The following CFAP73 variants were observed in gnomAD, a reference collection of about 807,000 sequenced individuals.
The protein encoded by CFAP73 is cilia and flagella associated protein 73.
Under a neutral mutation model 42.9 loss-of-function variants are expected in CFAP73, and 33 were observed. The ratio of observed to expected loss-of-function variants is 0.77; its 90% confidence interval spans 0.58 to 1.03. The LOEUF is 1.03. CFAP73 is among the 50% of genes least tolerant of loss of function. The probability of loss-of-function intolerance (pLI) is 0.00; values close to 1 mark genes in which losing one functional copy is unlikely to be tolerated. For missense variants in CFAP73, 392 were observed against 411.9 expected (o/e 0.95, Z 0.42); for synonymous variants, 162 against 186.8 (o/e 0.87, Z 1.08).
intron 4 of CFAP73, among the ~76,000 whole-genome samples, chr12:113,153,828 T>C (rs950541075): frequency 4.6e-5 from 7 of 151,944 alleles, no homozygotes; most frequent in African/African-American, 1.7e-4. Flanking sequence ...TTCGAACTCC[T>C]GGGCTCAAGC....
At chr12:113,155,142 C>A in intron 5 of CFAP73, 118 bp from the exon 6 acceptor site, 1 of 909,222 alleles carries the variant, frequency 1.1e-6, no homozygotes, top group Non-Finnish European at 1.6e-6. Context: ...TGCACTCCAG[C>A]CTGGGCGACA....
At chr12:113,151,745 C>A (rs1952063192) in intron 1 of CFAP73, among the ~76,000 whole-genome samples, 173 bp from the exon 2 acceptor site, 1 of 151,332 alleles carries the variant, frequency 6.6e-6, no homozygotes, top group African/African-American at 2.4e-5. Flanking sequence ...GATGATTAGA[C>A]CACTGCACTC....
chr12:113,157,766 G>T, intron 7 of CFAP73, 76 bp downstream of exon 7: 1 of 1,092,110 alleles, frequency 9.2e-7, no homozygotes, highest in Non-Finnish European at 1.4e-6. Context: ...TGTGGACTGA[G>T]TGGCTCTTCC....
At chr12:113,156,408 GC>G (rs749365910) in intron 6 of CFAP73, among the ~76,000 whole-genome samples, 2 of 151,674 alleles carry the variant, frequency 1.3e-5, no homozygotes, top group Non-Finnish European at 2.9e-5. Context: ...CGGGAGCTCG[GC>G]TCTTAAGACA....
chr12:113,153,196 C>A lies in CFAP73; in HGVS notation c.268-12C>A. On this transcript the variant is annotated splice_polypyrimidine_tract_variant and intron_variant, in intron 3 of 7. Coordinates refer to ENST00000335621, the MANE Select transcript of CFAP73 (RefSeq NM_001144872.3). ...GTCCTGAAGGTCGTCTTCTCCCCAC[C>A]GTACTCCCCAGGACTCCGAGGCCCG... is the stretch of plus-strand genomic sequence containing the variant. 6.6e-7 allele frequency: 1 copy of A among 1,508,598 alleles called. No individual in the cohort carries two copies. The highest frequency in any genetic ancestry group is 8.8e-7 in the Non-Finnish European group (1 of 1,135,052). The allele number at this position is 1,508,598 out of a possible 1,614,324, so 93.5% of individuals were successfully genotyped here. A position where few individuals can be genotyped will look rare whatever the true frequency, so the allele number is the denominator to read the frequency against.
rs768555932 is a variant in CFAP73 at position 113,159,060 on chromosome 12, C to G, written c.*371C>G. 6.2e-7 allele frequency: 1 copy of G among 1,609,028 alleles called. No homozygotes were observed. The highest frequency in any genetic ancestry group is 8.5e-7 in the Non-Finnish European group (1 of 1,178,256). On this transcript the variant is annotated 3_prime_UTR_variant, in exon 8 of 8. Coordinates refer to ENST00000335621, the MANE Select transcript of CFAP73 (RefSeq NM_001144872.3). ...GGATCTGCTGCTTGGTCTTGAGTTCCGGGCGGACTCGGCCTGCAGGGGTGC... is the reference window on the plus strand; with the variant it reads ...GGATCTGCTGCTTGGTCTTGAGTTCGGGGCGGACTCGGCCTGCAGGGGTGC...
rs1952096644 is a variant in CFAP73, at chr12:113,154,413, G to A, written c.469-1G>A. 1 of 1,548,376 alleles carries A rather than the reference G, an allele frequency of 6.5e-7. No homozygotes were observed. Among genetic ancestry groups the A allele is most frequent in the African/African-American group, 1.4e-5 (1 of 72,722 alleles). On this transcript the variant is annotated splice_acceptor_variant, in intron 4 of 7. Coordinates refer to ENST00000335621, the MANE Select transcript of CFAP73 (RefSeq NM_001144872.3). LOFTEE classifies it high-confidence loss of function. This position sits in a 1 kb window ranked among gnomAD's most constrained non-coding sequence, Gnocchi z 4.7. The stretch of plus-strand genomic sequence containing the variant: ...AGTCCCTTCCCCGCCCCCGACTCTA[G>A]TTCCAAGAGGTTCCGGAGCTGGTGG...
Position 113,152,819 on chromosome 12 carries a change from T to C in CFAP73, c.199T>C (p.Trp67Arg), listed in dbSNP as rs1318971344. Residue 67 changes from tryptophan (W) to arginine (R), a missense_variant, in exon 3 of 8, where the codon TGG becomes CGG. Physicochemically the swap from Trp to Arg is moderately radical, Grantham distance 101. Coordinates refer to ENST00000335621, the MANE Select transcript of CFAP73 (RefSeq NM_001144872.3). ...CAAGACGGCAGCCCTGAAACAGCGTTGGGAACAGCTGGAACAAAAGGAGCG... is the reference window on the plus strand; with the variant it reads ...CAAGACGGCAGCCCTGAAACAGCGTCGGGAACAGCTGGAACAAAAGGAGCG... The part of the protein sequence containing the change: ...RTKTAALKQR[W>R]EQLEQKEREL... The C allele has an allele frequency of 6.4e-7, 1 of 1,551,356 alleles. No homozygotes were observed. Among genetic ancestry groups the C allele is most frequent in the East Asian group, 2.4e-5 (1 of 40,910 alleles).
At chr12:113,149,965 G>A (rs1429354799) in intron 1 of CFAP73, 52 bp downstream of exon 1, 2 of 1,524,268 alleles carry the variant, frequency 1.3e-6, no homozygotes, top group Non-Finnish European at 1.8e-6. Context: ...GGAATGCGTG[G>A]GCTGGCCCAT....
At chr12:113,157,422 C>T (rs1449226273) in intron 6 of CFAP73, 180 bp from the exon 7 acceptor site, 1 of 605,362 alleles carries the variant, frequency 1.7e-6, no homozygotes, top group Non-Finnish European at 2.9e-6. Context: ...CTGAGGCTTT[C>T]AAAACCCAGA....
At chr12:113,152,934 C>T (rs1592989558) in intron 3 of CFAP73, 47 bp downstream of exon 3, 24 of 1,326,942 alleles carry the variant, frequency 1.8e-5, no homozygotes, top group Non-Finnish European at 2.5e-5. Context: ...GGGTAGCAGC[C>T]CACACTCCTA....
At chr12:113,151,020 TTTA>T (rs112063776) in intron 1 of CFAP73, among the ~76,000 whole-genome samples, 10 of 150,788 alleles carry the variant, frequency 6.6e-5, no homozygotes, top group Admixed American at 2.7e-4. Context: ...CCTGGCATTC[TTTA>T]TTATTATTAT....
chr12:113,155,324 G>T lies in CFAP73; in HGVS notation c.755G>T (p.Arg252Met), dbSNP rs1278279315. 1.9e-6 allele frequency: 3 copies of T among 1,551,326 alleles called. No individual in the cohort carries two copies. Among genetic ancestry groups the T allele is most frequent in the Non-Finnish European group, 2.6e-6 (3 of 1,146,688 alleles). ...AAGACTCTGCTCCTGGGACGCAGCAGGATGGCTGTGCTCAACCTGTTCCAG... is the reference window on the plus strand; with the variant it reads ...AAGACTCTGCTCCTGGGACGCAGCATGATGGCTGTGCTCAACCTGTTCCAG... ...AEKTLLLGRSRMAVLNLFQLV... is the reference protein window; with the variant it reads ...AEKTLLLGRSMMAVLNLFQLV... The change falls in exon 6 of 8, where the codon AGG becomes ATG. Residue 252 changes from arginine (R) to methionine (M), a missense_variant. Transcript: ENST00000335621.
chr12:113,153,812 G>A (rs1374199488), intron 4 of CFAP73, among the ~76,000 whole-genome samples: 1 of 151,794 alleles, frequency 6.6e-6, no homozygotes, highest in African/African-American at 2.4e-5. Context: ...TGTTGCCCAG[G>A]CTGGTTTCGA....
Position 113,158,112 on chromosome 12 carries a change from T to C in CFAP73, c.*11+422T>C, listed in dbSNP as rs2136309927. On this transcript the variant is annotated intron_variant, in intron 7 of 7. Transcript: ENST00000335621. The surrounding 1 kb of genome is among the most constrained non-coding windows in gnomAD (Gnocchi z 4.9). ...CCAGCTGCTGGGGCTGCCCTTGACC[T>C]TCTCAGAACCTCAAACAGGGGGTGG... The C allele has an allele frequency of 5.6e-6, 1 of 177,508 alleles. No homozygotes were observed. The highest frequency in any genetic ancestry group is 1.5e-4 in the East Asian group (1 of 6,842). 11.0% of individuals were successfully genotyped at this position (177,508 alleles called of 1,614,324 possible).
chr12:113,153,059 C>A (rs957505859), intron 3 of CFAP73, 149 bp from the exon 4 acceptor site: 282 of 909,046 alleles, frequency 3.1e-4, no homozygotes, highest in Non-Finnish European at 3.8e-4. Context: ...AAAAAGCGGG[C>A]GGGGGAGTTG....
chr12:113,152,292 G>A (rs534337454), intron 2 of CFAP73, among the ~76,000 whole-genome samples: 2 of 152,362 alleles, frequency 1.3e-5, no homozygotes, highest in Non-Finnish European at 2.9e-5. Flanking sequence ...ACAGATAAGT[G>A]TTCAGGTGGT....
chr12:113,156,735 G>T (rs1478942300), intron 6 of CFAP73: 1 of 152,192 alleles, frequency 6.6e-6, no homozygotes, highest in Non-Finnish European at 1.5e-5. Context: ...ACACAGGCTT[G>T]ATGTAAACAG....
At chr12:113,156,433 G>A (rs748154452) in intron 6 of CFAP73, among the ~76,000 whole-genome samples, 4 of 151,612 alleles carry the variant, frequency 2.6e-5, no homozygotes, top group Admixed American at 6.6e-5. Flanking sequence ...GTCTGCCAAT[G>A]CTCCCAGCCG....
Sources: gnomAD v4.1 joint callset for allele counts (sites outside exome capture counted in the v4.1 genomes callset) on GRCh38, gnomAD v4.1.1 for gene constraint, Gnocchi (gnomAD v3.1) non-coding constraint, MANE v1.5 for transcripts, NCBI Gene and HGNC (gene_info 2026-07-23, HGNC 2026-07-21) for gene names.